DLG2: variants seen among roughly 807,000 people sequenced by gnomAD.
DLG2 encodes the protein discs large MAGUK scaffold protein 2.
In DLG2, 45 loss-of-function variants were observed where a neutral mutation model predicts 132.5. That is an observed-to-expected ratio of 0.34 (90% CI 0.27 to 0.44). The LOEUF is 0.44. Among genes scored for constraint, DLG2 ranks in the 20% least tolerant of loss-of-function variants. The pLI, the probability that DLG2 is intolerant of heterozygous loss-of-function variation, is 1.00. For synonymous variants in DLG2, 424 were observed against 419.6 expected, an observed-to-expected ratio of 1.01 and a Z score of -0.13; for missense variants, 1,045 against 1,196.9, an observed-to-expected ratio of 0.87 and a Z score of 1.87.
At chr11:84,524,436 T>A (rs920128926) in intron 7 of DLG2, among the ~76,000 whole-genome samples, 1 of 152,246 alleles carries the variant, frequency 6.6e-6, no homozygotes, top group Non-Finnish European at 1.5e-5. Flanking sequence ...CAGGAGATTT[T>A]GTGCCTACAT....
intron 6 of DLG2, among the ~76,000 whole-genome samples, chr11:84,653,625 T>C (rs900512374): frequency 6.6e-6 from 1 of 152,284 alleles, no homozygotes; most frequent in East Asian, 1.9e-4. Flanking sequence ...TCTTGCACTA[T>C]CATGACAGAA....
At chr11:85,111,385 T>C (rs527310357) in intron 6 of DLG2, among the ~76,000 whole-genome samples, 2 of 152,188 alleles carry the variant, frequency 1.3e-5, no homozygotes, top group South Asian at 4.1e-4. Flanking sequence ...TATGTGCAAA[T>C]ATATTCGTTT....
chr11:84,672,699 CCT>C (rs1235802836), intron 6 of DLG2, among the ~76,000 whole-genome samples: 2 of 152,262 alleles, frequency 1.3e-5, no homozygotes, highest in South Asian at 4.1e-4. Flanking sequence ...CTCATTCTTC[CCT>C]GTTACCAGGA....
At chr11:84,775,058 ATCTATAAGAAACTTAAT>A (rs1293382523) in intron 6 of DLG2, among the ~76,000 whole-genome samples, 2 of 152,178 alleles carry the variant, frequency 1.3e-5, no homozygotes, top group Non-Finnish European at 2.9e-5. Context: ...AATATCCAGA[ATCTATAAGAAACTTAAT>A]TCAACCAACG....
At chr11:83,906,032 A>G (rs1012832087) in intron 15 of DLG2, among the ~76,000 whole-genome samples, 2 of 150,364 alleles carry the variant, frequency 1.3e-5, no homozygotes, top group African/African-American at 2.4e-5. Flanking sequence ...GAAGATTGCT[A>G]TATCAGATGT....
chr11:84,051,545 G>T (rs2096380220), intron 11 of DLG2, among the ~76,000 whole-genome samples: 1 of 145,700 alleles, frequency 6.9e-6, no homozygotes, highest in Non-Finnish European at 1.5e-5. Flanking sequence ...AACACTGCAT[G>T]TTCTCACTCA....
intron 3 of DLG2, among the ~76,000 whole-genome samples, chr11:85,489,074 C>A (rs2093498254): frequency 6.6e-6 from 1 of 152,008 alleles, no homozygotes; most frequent in Non-Finnish European, 1.5e-5. Flanking sequence ...GCTCATATAT[C>A]AGTATTAACC....
intron 21 of DLG2, among the ~76,000 whole-genome samples, chr11:83,528,265 G>A (rs2095656083): frequency 6.6e-6 from 1 of 152,160 alleles, no homozygotes; most frequent in South Asian, 2.1e-4. Flanking sequence ...TGTAGCAGAT[G>A]AGCACTTTCA....
chr11:84,758,028 G>T (rs143064566), intron 6 of DLG2, among the ~76,000 whole-genome samples: 1 of 152,160 alleles, frequency 6.6e-6, no homozygotes, highest in Admixed American at 6.5e-5. Flanking sequence ...GTATTCCAAT[G>T]GTTGGGTCAT....
At chr11:85,551,262 A>G (rs2076647892) in intron 3 of DLG2, among the ~76,000 whole-genome samples, 1 of 152,214 alleles carries the variant, frequency 6.6e-6, no homozygotes, top group South Asian at 2.1e-4. Context: ...GAGAAGCAGA[A>G]TGGTTAAGCC....
At chr11:84,816,864 C>T (rs777926138) in intron 6 of DLG2, among the ~76,000 whole-genome samples, 1 of 151,978 alleles carries the variant, frequency 6.6e-6, no homozygotes, top group Non-Finnish European at 1.5e-5. Context: ...TTATTTTGGA[C>T]TTCAATAGCT....
intron 4 of DLG2, among the ~76,000 whole-genome samples, chr11:85,173,154 C>A (rs925088596): frequency 1.3e-5 from 2 of 151,958 alleles, no homozygotes; most frequent in African/African-American, 2.4e-5. Flanking sequence ...AAGATAATCC[C>A]CAAGATGCAT....
intron 6 of DLG2, among the ~76,000 whole-genome samples, chr11:84,722,943 A>C (rs1278927334): frequency 6.6e-6 from 1 of 152,196 alleles, no homozygotes; most frequent in African/African-American, 2.4e-5. Context: ...GTCACATTTT[A>C]GGAGCAAAAC....
chr11:83,957,009 C>T (rs1318342632), intron 14 of DLG2, among the ~76,000 whole-genome samples: 1 of 152,252 alleles, frequency 6.6e-6, no homozygotes, highest in South Asian at 2.1e-4. Flanking sequence ...CATTTTAAGA[C>T]TCGGAAGAAA....
At position 85,098,664 on chromosome 11, in the gene DLG2, TA is replaced by T. The variant is rs978698429; in HGVS notation, c.357+12996del. Among the ~76,000 whole-genome samples, 11 of 152,320 alleles carry T rather than the reference TA, an allele frequency of 7.2e-5. No individual in the cohort carries two copies. In the East Asian group the frequency reaches 2.1e-3, roughly 29 times the overall value. On this transcript the variant is annotated intron_variant, in intron 6 of 27. Coordinates refer to ENST00000376104, the MANE Select transcript of DLG2 (RefSeq NM_001142699.3). ...TATTAGCATCTTTAAAGAGAGGATA[TA>T]TTTAAATGTGATTACATTATGCAAA...
At chr11:84,284,737 T>G (rs987839064) in intron 7 of DLG2, among the ~76,000 whole-genome samples, 1 of 152,200 alleles carries the variant, frequency 6.6e-6, no homozygotes, top group Admixed American at 6.5e-5. Context: ...TACTGGACTT[T>G]CTTGACAGAA....
intron 3 of DLG2, among the ~76,000 whole-genome samples, chr11:85,289,209 G>T (rs944079216): frequency 6.6e-6 from 1 of 151,996 alleles, no homozygotes; most frequent in Non-Finnish European, 1.5e-5. Context: ...TGGTTAACAA[G>T]AATTATTTTT....
chr11:84,769,048 G>A (rs2068853064), intron 6 of DLG2, among the ~76,000 whole-genome samples: 1 of 152,054 alleles, frequency 6.6e-6, no homozygotes, highest in African/African-American at 2.4e-5. Context: ...CAGATGAGTA[G>A]GAATCAGTGC....
chr11:85,292,359 G>A (rs1314129572), intron 3 of DLG2, among the ~76,000 whole-genome samples: 1 of 151,932 alleles, frequency 6.6e-6, no homozygotes, highest in African/African-American at 2.4e-5. Context: ...ATGTGAGGAA[G>A]GGACTGAAGT....
Sources: gnomAD v4.1 joint callset for allele counts (sites outside exome capture counted in the v4.1 genomes callset) on GRCh38, gnomAD v4.1.1 for gene constraint, MANE v1.5 for transcripts, NCBI Gene and HGNC (gene_info 2026-07-23, HGNC 2026-07-21) for gene names.